The following SLC16A7 variants were observed in gnomAD, a reference collection of about 807,000 sequenced individuals.
SLC16A7 encodes the protein monocarboxylate transporter 2.
In SLC16A7, 33 loss-of-function variants were observed where a neutral mutation model predicts 34.9. The ratio of observed to expected loss-of-function variants is 0.94; its 90% CI spans 0.72 to 1.26. SLC16A7 has a LOEUF of 1.26. SLC16A7 is among the 50% of genes most tolerant of loss of function. SLC16A7 has a pLI of 0.00. For synonymous variants in SLC16A7, 201 were observed against 206.6 expected (o/e 0.97, Z 0.23); for missense variants, 573 against 578.1 (o/e 0.99, Z 0.09).
At chr12:59,650,586 A>G (rs934397206) in intron 1 of SLC16A7, among the ~76,000 whole-genome samples, 1 of 152,138 alleles carries the variant, frequency 6.6e-6, no homozygotes, top group African/African-American at 2.4e-5. Context: ...TTACTTTTAG[A>G]TATCTTTGAC....
chr12:59,714,592 T>G (rs1874667718), intron 3 of SLC16A7, among the ~76,000 whole-genome samples: 1 of 151,320 alleles, frequency 6.6e-6, no homozygotes, highest in African/African-American at 2.4e-5. Flanking sequence ...TGAGATGGAG[T>G]CTTGCTCTGC....
intron 3 of SLC16A7, among the ~76,000 whole-genome samples, chr12:59,716,167 C>T (rs1387522653): frequency 6.6e-6 from 1 of 152,182 alleles, no homozygotes; most frequent in Non-Finnish European, 1.5e-5. Context: ...TTAGAATGTG[C>T]TGTGCATGAC....
chr12:59,602,520 A>C (rs1330113536), intron 1 of SLC16A7, among the ~76,000 whole-genome samples: 2 of 123,874 alleles, frequency 1.6e-5, no homozygotes, highest in Non-Finnish European at 3.2e-5. Flanking sequence ...GTTTCACTGC[A>C]ACACCCAGGC....
At chr12:59,679,938 T>C (rs868389143) in intron 2 of SLC16A7, among the ~76,000 whole-genome samples, 3 of 152,222 alleles carry the variant, frequency 2.0e-5, no homozygotes, top group Non-Finnish European at 2.9e-5. Flanking sequence ...GCAGGATCTG[T>C]AATTGAAGAC....
intron 1 of SLC16A7, among the ~76,000 whole-genome samples, chr12:59,637,863 G>T (rs1355942099): frequency 6.6e-6 from 1 of 152,044 alleles, no homozygotes; most frequent in East Asian, 1.9e-4. Context: ...GTGAAAGTTG[G>T]CTTGCTATAA....
chr12:59,752,070 C>A (rs1879653328), intron 3 of SLC16A7, among the ~76,000 whole-genome samples: 1 of 152,100 alleles, frequency 6.6e-6, no homozygotes, highest in Non-Finnish European at 1.5e-5. Flanking sequence ...GGAAAACTAA[C>A]AAACAGAAAG....
chr12:59,740,438 G>C (rs1332436857), intron 3 of SLC16A7, among the ~76,000 whole-genome samples: 4 of 152,110 alleles, frequency 2.6e-5, no homozygotes, highest in Non-Finnish European at 4.4e-5. Context: ...TGCTGTTTTG[G>C]TGACTGTAGC....
At chr12:59,694,616 A>G (rs946992018) in intron 2 of SLC16A7, among the ~76,000 whole-genome samples, 3 of 151,904 alleles carry the variant, frequency 2.0e-5, no homozygotes. Context: ...TGTACAGTAG[A>G]TCTCTAAGAT....
At chr12:59,769,937 T>C (rs1882061180) in intron 3 of SLC16A7, among the ~76,000 whole-genome samples, 1 of 152,074 alleles carries the variant, frequency 6.6e-6, no homozygotes, top group African/African-American at 2.4e-5. Flanking sequence ...GAATGAAATA[T>C]GAAAGCAAGC....
At chr12:59,615,750 A>G (rs1316173062) in intron 1 of SLC16A7, among the ~76,000 whole-genome samples, 1 of 152,230 alleles carries the variant, frequency 6.6e-6, no homozygotes, top group Non-Finnish European at 1.5e-5. Flanking sequence ...ATAGTGTCCT[A>G]AACAGCATAA....
At chr12:59,704,225 GAA>G in intron 2 of SLC16A7, among the ~76,000 whole-genome samples, 1 of 121,892 alleles carries the variant, frequency 8.2e-6, no homozygotes, top group Non-Finnish European at 1.7e-5. Context: ...AAAAGAAAAA[GAA>G]AAAAAAAAGA....
chr12:59,623,457 G>A (rs1879788455), intron 1 of SLC16A7, among the ~76,000 whole-genome samples: 1 of 151,332 alleles, frequency 6.6e-6, no homozygotes, highest in African/African-American at 2.4e-5. Context: ...GGTCTTTTAT[G>A]TCTTATGTTT....
In SLC16A7 at chr12:59,788,402, A is replaced by C. The variant is rs1327535048; in HGVS notation, c.*8723A>C. On this transcript the variant is annotated 3_prime_UTR_variant, in exon 6 of 6. Coordinates refer to ENST00000547379, the MANE Select transcript of SLC16A7 (RefSeq NM_001270623.2). The stretch of plus-strand genomic sequence containing the variant: ...TGTAGTTGTCTTGTTTATTCTATAG[A>C]TATCTTAATGACCACTGAACAAATG... 1 of 152,080 alleles carries C rather than the reference A, an allele frequency of 6.6e-6. No homozygotes were observed. The highest frequency in any genetic ancestry group is 1.5e-5 in the Non-Finnish European group (1 of 67,964). 9.4% of individuals were successfully genotyped at this position (152,080 alleles called of 1,614,324 possible). A position where few individuals can be genotyped will look rare whatever the true frequency, so the allele number is the denominator to read the frequency against.
chr12:59,762,142 A>G (rs1435145506), intron 3 of SLC16A7, among the ~76,000 whole-genome samples: 1 of 152,072 alleles, frequency 6.6e-6, no homozygotes, highest in Non-Finnish European at 1.5e-5. Context: ...CTACTGTGTC[A>G]TGTGAATTTT....
At chr12:59,694,104 G>A (rs766367246) in intron 2 of SLC16A7, among the ~76,000 whole-genome samples, 36 of 151,982 alleles carry the variant, frequency 2.4e-4, no homozygotes, top group Non-Finnish European at 4.0e-4. Context: ...TAAATCATAT[G>A]GCATGTGTGT....
rs12304596 is a variant in SLC16A7 at position 59,766,718 on chromosome 12, C to G, written c.218-4501C>G. ...GGTGGATAAGCTTTTTGATGTGCTGCTGGATTCGTTTTGCCAGTATTTTAT... is the reference window on the plus strand; with the variant it reads ...GGTGGATAAGCTTTTTGATGTGCTGGTGGATTCGTTTTGCCAGTATTTTAT... On this transcript the variant is annotated intron_variant, in intron 3 of 5. Transcript: ENST00000547379. Among the ~76,000 whole-genome samples the G allele has an allele frequency of 3.3e-3, 505 of 152,220 alleles. 2 individuals carry two copies. The highest frequency in any genetic ancestry group is 0.011 in the African/African-American group (458 of 41,526).
At position 59,789,277 on chromosome 12, in the gene SLC16A7, T is replaced by C. The variant is rs1023734021; in HGVS notation, c.*9598T>C. 13 of 152,128 alleles carry C rather than the reference T, an allele frequency of 8.5e-5. No homozygotes were observed. Among genetic ancestry groups the C allele is most frequent in the Non-Finnish European group, 1.5e-4 (10 of 67,980 alleles). 9.4% of individuals were successfully genotyped at this position (152,128 alleles called of 1,614,324 possible). Reference sequence around the variant, plus strand: ...GCAGGCTGAATGTATATTACAGTAATTCTCTGGCTAATTTTAAAAGTAAGA... The same window carrying C: ...GCAGGCTGAATGTATATTACAGTAACTCTCTGGCTAATTTTAAAAGTAAGA... On this transcript the variant is annotated 3_prime_UTR_variant, in exon 6 of 6. Coordinates refer to ENST00000547379, the MANE Select transcript of SLC16A7 (RefSeq NM_001270623.2).
chr12:59,719,102 A>G (rs1173634483), intron 3 of SLC16A7, among the ~76,000 whole-genome samples: 1 of 152,194 alleles, frequency 6.6e-6, no homozygotes, highest in Non-Finnish European at 1.5e-5. Context: ...TATTGTGTTC[A>G]AACAGACTAT....
chr12:59,716,348 C>A (rs1054994977), intron 3 of SLC16A7, among the ~76,000 whole-genome samples: 1 of 152,014 alleles, frequency 6.6e-6, no homozygotes, highest in Non-Finnish European at 1.5e-5. Flanking sequence ...AATAGAACTC[C>A]GATCTACGTC....
Sources: gnomAD v4.1 joint callset for allele counts (sites outside exome capture counted in the v4.1 genomes callset) on GRCh38, gnomAD v4.1.1 for gene constraint, MANE v1.5 for transcripts, NCBI Gene and HGNC (gene_info 2026-07-23, HGNC 2026-07-21) for gene names.